The following DYDC2 variants were observed in gnomAD, a reference collection of about 807,000 sequenced individuals.
DYDC2 encodes the protein DPY30 domain containing 2.
A neutral mutation model predicts 18.7 loss-of-function variants in DYDC2; 19 were observed. The observed-to-expected ratio is 1.02, with a 90% CI of 0.71 to 1.49. DYDC2 has a LOEUF of 1.49. Ranked by LOEUF, DYDC2 falls within the 40% of genes most tolerant of loss-of-function variation. DYDC2 has a pLI of 0.00. For synonymous variants in DYDC2, 63 were observed against 67.6 expected, an observed-to-expected ratio of 0.93 and a Z score of 0.34; for missense variants, 179 against 205.1, an observed-to-expected ratio of 0.87 and a Z score of 0.78.
chr10:80,356,447 C>G, upstream of DYDC2: 1 of 985,344 alleles, frequency 1.0e-6, no homozygotes, highest in Non-Finnish European at 1.2e-6. Flanking sequence ...GGCAACCTCC[C>G]GGGGCGCTCA....
At chr10:80,365,924 T>A (rs916987267) in intron 4 of DYDC2, among the ~76,000 whole-genome samples, 4 of 152,140 alleles carry the variant, frequency 2.6e-5, no homozygotes, top group Admixed American at 2.6e-4. Flanking sequence ...TCTTAACTCT[T>A]ACATTATGTC....
At chr10:80,359,636 G>C (rs1051480966) in intron 2 of DYDC2, among the ~76,000 whole-genome samples, 1 of 152,290 alleles carries the variant, frequency 6.6e-6, no homozygotes, top group South Asian at 2.1e-4. Flanking sequence ...CCGGAGCCCC[G>C]TGGGGAGGCA....
chr10:80,363,230 C>T (rs1843716156), intron 4 of DYDC2, among the ~76,000 whole-genome samples, 157 bp downstream of exon 4: 1 of 151,394 alleles, frequency 6.6e-6, no homozygotes, highest in Non-Finnish European at 1.5e-5. Context: ...TGCATATAAA[C>T]CAATGTTATT....
chr10:80,345,966 T>G (rs1842595182), intron 1 of DYDC2, among the ~76,000 whole-genome samples: 2 of 152,208 alleles, frequency 1.3e-5, no homozygotes, highest in Admixed American at 1.3e-4. Context: ...CTCAGCTTCC[T>G]GAGTAGCTGG....
upstream of DYDC2, chr10:80,352,004 T>C: frequency 6.2e-7 from 1 of 1,613,604 alleles, no homozygotes; most frequent in Non-Finnish European, 8.5e-7. Flanking sequence ...CTTTTGTCTC[T>C]AGCATTGTTT....
rs571534462 is a variant in DYDC2 at position 80,350,127 on chromosome 10, C to T, written c.-310+5312C>T. ...TCCTATCTATTTCTGCACACCAATC[C>T]ACTCCGCTAACTGGCCATAACATCT... On this transcript the variant is annotated intron_variant, in intron 1 of 4. Coordinates refer to the DYDC2 transcript ENST00000372197. Among the ~76,000 whole-genome samples the T allele has an allele frequency of 2.6e-5, 4 of 152,290 alleles. No homozygotes were observed. The East Asian group carries it at 7.7e-4, about 29-fold the overall frequency.
chr10:80,357,850 GT>G (rs1843482667), intron 1 of DYDC2, 42 bp from the exon 2 acceptor site: 1 of 985,422 alleles, frequency 1.0e-6, no homozygotes, highest in South Asian at 4.7e-5. Flanking sequence ...ATGAGGGCAG[GT>G]GGCAGAACTC....
chr10:80,356,936 G>A lies in DYDC2; in HGVS notation c.-163+111G>A, dbSNP rs527991778. 1.2e-3 allele frequency: 1,014 copies of A among 833,290 alleles called. 10 individuals carry two copies. In the African/African-American group the frequency reaches 0.013, roughly 11 times the overall value. The allele number at this position is 833,290 out of a possible 1,614,324, so 51.6% of individuals were successfully genotyped here. A position where few individuals can be genotyped will look rare whatever the true frequency, so the allele number is the denominator to read the frequency against. ...GTAGAGGGGGCGCGGCAGAGTAGAGGGGGCGCGGCAGAGTGGAGGGGGCGT... is the reference window on the plus strand; with the variant it reads ...GTAGAGGGGGCGCGGCAGAGTAGAGAGGGCGCGGCAGAGTGGAGGGGGCGT... On this transcript the variant is annotated intron_variant, in intron 1 of 4. Transcript: ENST00000256039.
intron 1 of DYDC2, among the ~76,000 whole-genome samples, chr10:80,349,027 G>A (rs1349723631): frequency 1.3e-5 from 2 of 152,112 alleles, no homozygotes; most frequent in Non-Finnish European, 2.9e-5. Flanking sequence ...GAGTAGCTGG[G>A]ACTACAGGAG....
At chr10:80,362,405 A>G (rs781273215) in intron 2 of DYDC2, 30 bp from the exon 3 acceptor site, 1 of 1,594,782 alleles carries the variant, frequency 6.3e-7, no homozygotes, top group Admixed American at 1.7e-5. Flanking sequence ...AGTTTGTAAA[A>G]TAGTGTGACT....
chr10:80,352,023 C>T (rs748834570), upstream of DYDC2: 1 of 1,607,642 alleles, frequency 6.2e-7, no homozygotes, highest in South Asian at 1.1e-5. Context: ...TTAAAAACAA[C>T]AGCACACGAC....
At chr10:80,358,874 G>C (rs1435672276) in intron 2 of DYDC2, among the ~76,000 whole-genome samples, 1 of 152,154 alleles carries the variant, frequency 6.6e-6, no homozygotes, top group African/African-American at 2.4e-5. Flanking sequence ...TTGATGTTCG[G>C]ATGTGTTCAG....
intron 2 of DYDC2, among the ~76,000 whole-genome samples, chr10:80,358,338 A>G (rs1843514876): frequency 6.6e-6 from 1 of 152,164 alleles, no homozygotes; most frequent in Admixed American, 6.5e-5. Flanking sequence ...AGATTGTGCC[A>G]CTGCACTCCA....
chr10:80,364,481 A>C (rs994108976), intron 4 of DYDC2, among the ~76,000 whole-genome samples: 1 of 152,240 alleles, frequency 6.6e-6, no homozygotes, highest in Non-Finnish European at 1.5e-5. Flanking sequence ...TATATAAAGA[A>C]GACTCCCAAA....
chr10:80,352,114 T>G (rs191760998), upstream of DYDC2: 1,838 of 949,352 alleles, frequency 1.9e-3, 29 homozygotes, highest in Non-Finnish European at 2.6e-4. Flanking sequence ...AAGCAAATTA[T>G]AGCCCATCCC....
upstream of DYDC2, among the ~76,000 whole-genome samples, chr10:80,353,884 G>C (rs576683226): frequency 6.6e-6 from 1 of 152,186 alleles, no homozygotes; most frequent in African/African-American, 2.4e-5. Context: ...TCAGGATTTT[G>C]AAACCATGTT....
At chr10:80,353,297 G>T (rs996274207), upstream of DYDC2, among the ~76,000 whole-genome samples, 2 of 151,756 alleles carry the variant, frequency 1.3e-5, no homozygotes, top group African/African-American at 4.8e-5. Flanking sequence ...AGCACACCCT[G>T]GGCTCTAATT....
chr10:80,353,569 C>T (rs531450871), upstream of DYDC2, among the ~76,000 whole-genome samples: 7 of 151,460 alleles, frequency 4.6e-5, no homozygotes, highest in South Asian at 1.5e-3. Flanking sequence ...TTTAAGAAAT[C>T]GGCTGGGCAC....
At chr10:80,356,581 CCT>C (rs1457390853), upstream of DYDC2, 1 of 985,388 alleles carries the variant, frequency 1.0e-6, no homozygotes, top group African/African-American at 1.7e-5. Flanking sequence ...CGCGAAGCGG[CCT>C]CTCTCCGCCT....
Sources: allele counts gnomAD v4.1 joint callset (sites outside exome capture counted in the v4.1 genomes callset), GRCh38; gene constraint gnomAD v4.1.1; transcripts MANE v1.5; gene names NCBI Gene and HGNC (gene_info 2026-07-23, HGNC 2026-07-21).